The following GRIA4 variants were observed in gnomAD, a reference collection of about 807,000 sequenced individuals.
GRIA4 encodes glutamate receptor 4.
In GRIA4, 34 loss-of-function variants were observed where a neutral mutation model predicts 104.0. The observed-to-expected ratio is 0.33, with a 90% CI of 0.25 to 0.44. GRIA4 has a LOEUF of 0.44. Ranked by LOEUF, GRIA4 falls within the 20% of genes least tolerant of loss-of-function variation. GRIA4 has a pLI of 1.00. For synonymous variants in GRIA4, 386 were observed against 381.9 expected, an observed-to-expected ratio of 1.01 and a Z score of -0.13; for missense variants, 750 against 1,096.5, an observed-to-expected ratio of 0.68 and a Z score of 4.46.
chr11:105,780,218 T>C (rs1175524782), intron 4 of GRIA4, among the ~76,000 whole-genome samples: 3 of 152,186 alleles, frequency 2.0e-5, no homozygotes, highest in Non-Finnish European at 4.4e-5. Context: ...TTATGGAATA[T>C]TGATATGATT....
intron 4 of GRIA4, among the ~76,000 whole-genome samples, chr11:105,860,985 G>T (rs968366553): frequency 6.1e-5 from 9 of 148,660 alleles, no homozygotes; most frequent in Non-Finnish European, 8.9e-5. Context: ...AAAGAGAGAT[G>T]GAAAAAAGGC....
At chr11:105,664,034 T>C (rs1952091139) in intron 3 of GRIA4, among the ~76,000 whole-genome samples, 2 of 150,084 alleles carry the variant, frequency 1.3e-5, no homozygotes, top group South Asian at 2.1e-4. Flanking sequence ...GGAAAAGCTA[T>C]ATGTATCACT....
chr11:105,781,984 A>G (rs925682787), intron 4 of GRIA4, among the ~76,000 whole-genome samples: 1 of 152,220 alleles, frequency 6.6e-6, no homozygotes, highest in Non-Finnish European at 1.5e-5. Flanking sequence ...CTGAAGCAGA[A>G]GATGGTGCCT....
intron 4 of GRIA4, among the ~76,000 whole-genome samples, chr11:105,786,099 C>G (rs1402925653): frequency 7.6e-6 from 1 of 132,428 alleles, no homozygotes; most frequent in Non-Finnish European, 1.5e-5. Flanking sequence ...GAGCCGAGAT[C>G]GAGCCACTAC....
At chr11:105,941,980 G>A (rs1476599354) in intron 14 of GRIA4, among the ~76,000 whole-genome samples, 2 of 152,012 alleles carry the variant, frequency 1.3e-5, no homozygotes, top group Admixed American at 6.6e-5. Flanking sequence ...ATCTTTTCAG[G>A]CATTTGCAAC....
At chr11:105,721,711 T>C (rs1253962529) in intron 3 of GRIA4, among the ~76,000 whole-genome samples, 1 of 152,170 alleles carries the variant, frequency 6.6e-6, no homozygotes, top group Non-Finnish European at 1.5e-5. Context: ...TCCTGAACTT[T>C]ATATTATCTC....
At chr11:105,803,546 CTT>C (rs568267556) in intron 4 of GRIA4, among the ~76,000 whole-genome samples, 2 of 151,734 alleles carry the variant, frequency 1.3e-5, no homozygotes, top group Non-Finnish European at 2.9e-5. Flanking sequence ...AAAGTTAACT[CTT>C]TTAACTGTAT....
intron 9 of GRIA4, 112 bp from the exon 10 acceptor site, chr11:105,910,319 TTTTG>T (rs1342190818): frequency 1.6e-6 from 1 of 619,914 alleles, no homozygotes; most frequent in African/African-American, 1.9e-5. Context: ...TTGGCTTTTG[TTTTG>T]TTTGCTTACA....
At chr11:105,761,715 A>G (rs1214673948) in intron 4 of GRIA4, among the ~76,000 whole-genome samples, 1 of 152,240 alleles carries the variant, frequency 6.6e-6, no homozygotes, top group Admixed American at 6.5e-5. Flanking sequence ...AAAAATGCTA[A>G]TCTTCTTTTG....
chr11:105,868,746 AC>A (rs1239888660), intron 5 of GRIA4, among the ~76,000 whole-genome samples: 1 of 152,112 alleles, frequency 6.6e-6, no homozygotes, highest in Non-Finnish European at 1.5e-5. Flanking sequence ...TCAGGCACTC[AC>A]AGAAATTACT....
At chr11:105,701,603 G>C (rs2135523383) in intron 3 of GRIA4, among the ~76,000 whole-genome samples, 1 of 152,186 alleles carries the variant, frequency 6.6e-6, no homozygotes, top group South Asian at 2.1e-4. Flanking sequence ...TAAAGTATTG[G>C]CTGTTACTTT....
chr11:105,773,277 G>A (rs1941296447), intron 4 of GRIA4, among the ~76,000 whole-genome samples: 1 of 152,036 alleles, frequency 6.6e-6, no homozygotes, highest in African/African-American at 2.4e-5. Context: ...AAGAAACATA[G>A]CAATGGTTCC....
intron 3 of GRIA4, among the ~76,000 whole-genome samples, chr11:105,630,664 G>A (rs967614039): frequency 6.6e-6 from 1 of 152,000 alleles, no homozygotes; most frequent in African/African-American, 2.4e-5. Context: ...ATCAATTTTT[G>A]AGTACCCAAG....
At position 105,800,697 on chromosome 11, in the gene GRIA4, G is replaced by C. The variant is rs370386283; in HGVS notation, c.487+47477G>C. On this transcript the variant is annotated intron_variant, in intron 4 of 16. Coordinates refer to ENST00000282499, the MANE Select transcript of GRIA4 (RefSeq NM_000829.4). Reference sequence around the variant, plus strand: ...ATCATCTTCTTCATTTATTTCCATAGTAAGCAAACTGTCCAATCTCGTTTT... The same window carrying C: ...ATCATCTTCTTCATTTATTTCCATACTAAGCAAACTGTCCAATCTCGTTTT... 1.3e-4 allele frequency among the ~76,000 whole-genome samples: 20 copies of C among 152,018 alleles called. No homozygotes were observed. The East Asian group carries it at 3.5e-3, about 26-fold the overall frequency.
At chr11:105,729,849 G>A (rs1411903070) in intron 3 of GRIA4, among the ~76,000 whole-genome samples, 4 of 152,118 alleles carry the variant, frequency 2.6e-5, no homozygotes, top group Non-Finnish European at 5.9e-5. Context: ...GGAACTGATT[G>A]AACATATCTG....
intron 3 of GRIA4, among the ~76,000 whole-genome samples, chr11:105,700,591 C>T (rs1158078138): frequency 6.6e-6 from 1 of 152,120 alleles, no homozygotes; most frequent in East Asian, 1.9e-4. Context: ...CAGCAGATGT[C>T]TATATACTGA....
At position 105,904,979 on chromosome 11, in the gene GRIA4, T is replaced by C. The variant is rs111618981; in HGVS notation, c.1054-218T>C. 2.0e-5 allele frequency among the ~76,000 whole-genome samples: 3 copies of C among 152,316 alleles called. 1 individual carries two copies. The highest frequency in any genetic ancestry group is 7.2e-5 in the African/African-American group (3 of 41,586). Reference sequence around the variant, plus strand: ...TATAATAGTAAAAACAAATAAAACATATTCCTCTTCCAGGGGTATAGCAAA... The same window carrying C: ...TATAATAGTAAAAACAAATAAAACACATTCCTCTTCCAGGGGTATAGCAAA... On this transcript the variant is annotated intron_variant, in intron 8 of 16. Transcript: ENST00000282499.
chr11:105,868,613 A>T (rs552435244), intron 5 of GRIA4, among the ~76,000 whole-genome samples: 17 of 152,246 alleles, frequency 1.1e-4, no homozygotes, highest in Non-Finnish European at 1.9e-4. Context: ...CTTGTCCAGA[A>T]TTTCACCTGT....
chr11:105,715,877 T>G (rs1040680326), intron 3 of GRIA4, among the ~76,000 whole-genome samples: 2 of 152,144 alleles, frequency 1.3e-5, no homozygotes, highest in African/African-American at 4.8e-5. Context: ...AAGTACACAC[T>G]GTAGGTGAAA....
Sources: allele counts gnomAD v4.1 joint callset (sites outside exome capture counted in the v4.1 genomes callset), GRCh38; gene constraint gnomAD v4.1.1; transcripts MANE v1.5; gene names NCBI Gene and HGNC (gene_info 2026-07-23, HGNC 2026-07-21).